Variants in DAB1 observed in about 807,000 individuals in gnomAD.
DAB1 encodes the protein disabled homolog 1.
In DAB1, 15 loss-of-function variants were observed where a neutral mutation model predicts 64.6. The ratio of observed to expected loss-of-function variants is 0.23; its 90% CI spans 0.16 to 0.36. The LOEUF (loss-of-function observed/expected upper bound fraction) is 0.36. DAB1 is among the 10% of genes least tolerant of loss of function. DAB1 has a pLI of 1.00. For missense variants in DAB1, 596 were observed against 706.7 expected, an observed-to-expected ratio of 0.84 and a Z score of 1.78; for synonymous variants, 235 against 251.9, an observed-to-expected ratio of 0.93 and a Z score of 0.64.
chr1:58,315,842 T>TA (rs756494817), intron 4 of DAB1, among the ~76,000 whole-genome samples: 1 of 152,234 alleles, frequency 6.6e-6, no homozygotes. Flanking sequence ...CTCAAGATGC[T>TA]AAGATTCTGA....
intron 1 of DAB1, among the ~76,000 whole-genome samples, chr1:57,321,310 G>A (rs1379491729): frequency 6.6e-6 from 1 of 152,112 alleles, no homozygotes; most frequent in Non-Finnish European, 1.5e-5. Flanking sequence ...CAGAAAGCAG[G>A]ACTCACATCT....
chr1:57,887,031 A>G (rs931209786), upstream of DAB1, among the ~76,000 whole-genome samples: 15 of 152,160 alleles, frequency 9.9e-5, no homozygotes, highest in African/African-American at 3.6e-4. Context: ...TTTTATCACT[A>G]CCTTACATAT....
chr1:58,312,198 G>A (rs1662445980), intron 4 of DAB1, among the ~76,000 whole-genome samples: 1 of 152,182 alleles, frequency 6.6e-6, no homozygotes, highest in South Asian at 2.1e-4. Context: ...GACATCCTAA[G>A]AGAGCAGGGC....
At chr1:57,553,856 C>T (rs902250156) in intron 7 of DAB1, among the ~76,000 whole-genome samples, 1 of 151,862 alleles carries the variant, frequency 6.6e-6, no homozygotes, top group Non-Finnish European at 1.5e-5. Flanking sequence ...TTCAGGTATT[C>T]AGGGAGGTGG....
intron 7 of DAB1, among the ~76,000 whole-genome samples, chr1:57,429,986 A>G (rs1685438063): frequency 6.6e-6 from 1 of 152,174 alleles, no homozygotes; most frequent in African/African-American, 2.4e-5. Context: ...TTGTGGTTCC[A>G]TATACATTCT....
chr1:57,071,584 G>C lies in DAB1; in HGVS notation c.496C>G (p.Gln166Glu). 6.2e-7 allele frequency: 1 copy of C among 1,613,494 alleles called. No homozygotes were observed. Among genetic ancestry groups the C allele is most frequent in the East Asian group, 2.2e-5 (1 of 44,850 alleles). ...DLFQLIYELK[Q>E]REELEKKAQK... ...GCCTTTTTTTCTAATTCTTCTCTTT[G>C]CTTCAATTCATAAATGAGTTGAAAG... The change falls in exon 6 of 15, where the codon CAA becomes GAA. Residue 166 changes from glutamine (Q) to glutamate (E), a missense_variant. Around this residue, in one of 3 missense-constraint regions of DAB1, gnomAD observed 176 missense variants for 266.7 expected, o/e 0.66. Transcript: ENST00000371236.
intron 6 of DAB1, among the ~76,000 whole-genome samples, chr1:57,732,807 T>G (rs751468635): frequency 6.6e-6 from 1 of 152,186 alleles, no homozygotes; most frequent in Non-Finnish European, 1.5e-5. Flanking sequence ...CCTGGGTCAA[T>G]GCAATTACAA....
Position 57,882,918 on chromosome 1 carries a change from T to C in DAB1, n.87+1081A>G, listed in dbSNP as rs532470879. ...GAAAGGTACACCGAACCCAGTTTTT[T>C]TGTCCATGGGAGATGCTAGAAAAAG... On this transcript the variant is annotated intron_variant and non_coding_transcript_variant, in intron 1 of 1. Transcript: ENST00000477280. 4.6e-5 allele frequency among the ~76,000 whole-genome samples: 7 copies of C among 152,314 alleles called. No homozygotes were observed. The South Asian group carries it at 8.3e-4, about 18-fold the overall frequency.
At chr1:57,121,480 AGGAATTGTCCCAACTG>A (rs1656658764) in intron 4 of DAB1, among the ~76,000 whole-genome samples, 1 of 152,222 alleles carries the variant, frequency 6.6e-6, no homozygotes, top group East Asian at 1.9e-4. Flanking sequence ...CTTGCAAAAA[AGGAATTGTCCCAACTG>A]GAAATGCTAA....
intron 1 of DAB1, among the ~76,000 whole-genome samples, chr1:57,346,920 G>T (rs1158346819): frequency 6.6e-6 from 1 of 152,198 alleles, no homozygotes. Context: ...ATGCCAGGCA[G>T]TGTTCGGTGC....
intron 2 of DAB1, among the ~76,000 whole-genome samples, chr1:57,287,135 G>A (rs1016391866): frequency 6.6e-6 from 1 of 152,208 alleles, no homozygotes; most frequent in Admixed American, 6.5e-5. Context: ...GCAGTGGTGT[G>A]ATTTTGGCAC....
intron 7 of DAB1, among the ~76,000 whole-genome samples, chr1:57,522,154 T>C (rs781110698): frequency 1.3e-5 from 2 of 151,444 alleles, no homozygotes; most frequent in Non-Finnish European, 2.9e-5. Flanking sequence ...CAGAAAGAGC[T>C]GGTATTTGGA....
intron 3 of DAB1, among the ~76,000 whole-genome samples, chr1:58,490,421 T>C (rs912196826): frequency 8.5e-5 from 13 of 152,170 alleles, no homozygotes; most frequent in Admixed American, 7.9e-4. Context: ...GAACAAAGCC[T>C]CCAAGAAATA....
At chr1:57,958,202 T>C (rs927658610) in intron 5 of DAB1, among the ~76,000 whole-genome samples, 3 of 152,122 alleles carry the variant, frequency 2.0e-5, no homozygotes, top group African/African-American at 7.2e-5. Context: ...GGTCTCGAAC[T>C]CCTGACCTCA....
intron 3 of DAB1, among the ~76,000 whole-genome samples, chr1:58,505,836 C>A (rs1039207107): frequency 6.6e-6 from 1 of 152,176 alleles, no homozygotes; most frequent in Non-Finnish European, 1.5e-5. Context: ...TAAACCTTCA[C>A]TATTAAGAAA....
intron 2 of DAB1, among the ~76,000 whole-genome samples, chr1:58,514,213 A>C (rs1240673602): frequency 6.6e-6 from 1 of 152,226 alleles, no homozygotes; most frequent in Non-Finnish European, 1.5e-5. Flanking sequence ...AATGTATATG[A>C]ATATGCATTA....
intron 6 of DAB1, among the ~76,000 whole-genome samples, chr1:57,765,084 A>G (rs1160371366): frequency 6.6e-6 from 1 of 152,248 alleles, no homozygotes; most frequent in Non-Finnish European, 1.5e-5. Context: ...TTCTAGCCCA[A>G]TGTTCACAGC....
intron 5 of DAB1, among the ~76,000 whole-genome samples, chr1:57,891,170 G>T (rs1046470363): frequency 6.6e-6 from 1 of 152,056 alleles, no homozygotes; most frequent in African/African-American, 2.4e-5. Flanking sequence ...ACAAGAAAAA[G>T]ACAAACAACC....
intron 5 of DAB1, among the ~76,000 whole-genome samples, chr1:58,057,158 T>A (rs1320927642): frequency 1.3e-5 from 2 of 152,184 alleles, no homozygotes; most frequent in Non-Finnish European, 2.9e-5. Flanking sequence ...ATGTGTAAAG[T>A]GCCTACCACA....
Sources: allele counts gnomAD v4.1 joint callset (sites outside exome capture counted in the v4.1 genomes callset), GRCh38; gene constraint gnomAD v4.1.1; regional missense constraint gnomAD v4.1.1; transcripts MANE v1.5; gene names NCBI Gene and HGNC (gene_info 2026-07-23, HGNC 2026-07-21).